Variants in SLC4A8 observed in about 807,000 individuals in gnomAD.
The protein encoded by SLC4A8 is solute carrier family 4 member 8, also known as electroneutral sodium bicarbonate exchanger 1.
Under a neutral mutation model 125.0 loss-of-function variants are expected in SLC4A8, and 40 were observed. The observed-to-expected ratio is 0.32, with a 90% CI of 0.25 to 0.42. The LOEUF is 0.42. Among genes scored for constraint, SLC4A8 ranks in the 10% least tolerant of loss-of-function variants. SLC4A8 has a pLI of 1.00. For missense variants in SLC4A8, 863 were observed against 1,355.1 expected, an observed-to-expected ratio of 0.64 and a Z score of 5.70; for synonymous variants, 456 against 476.0, an observed-to-expected ratio of 0.96 and a Z score of 0.55.
chr12:51,508,039 C>T lies in SLC4A8; in HGVS notation c.*601C>T, dbSNP rs1198248764. On this transcript the variant is annotated 3_prime_UTR_variant, in exon 25 of 25. Coordinates refer to ENST00000453097, the MANE Select transcript of SLC4A8 (RefSeq NM_001039960.3). ...TCTGGGCATTGGCAGTGCCTGCCAC[C>T]ACAGCCAGGAAGATGCCTCTGACCT... The T allele has an allele frequency of 6.6e-6, 1 of 152,384 alleles. No homozygotes were observed. Among genetic ancestry groups the T allele is most frequent in the Non-Finnish European group, 1.5e-5 (1 of 68,160 alleles). 9.4% of individuals were successfully genotyped at this position (152,384 alleles called of 1,614,324 possible).
At chr12:51,470,339 A>G (rs984951681) in intron 12 of SLC4A8, 53 bp from the exon 13 acceptor site, 1 of 1,566,364 alleles carries the variant, frequency 6.4e-7, no homozygotes, top group Non-Finnish European at 8.7e-7. Context: ...CTAAGCCAAC[A>G]TTACTCTGTA....
chr12:51,411,045 G>GTTT (rs58816269), intron 1 of SLC4A8, among the ~76,000 whole-genome samples: 4 of 122,932 alleles, frequency 3.3e-5, no homozygotes, highest in African/African-American at 9.1e-5. Context: ...TGGCCAATCT[G>GTTT]TTTTTTTTTT....
At position 51,488,707 on chromosome 12, in the gene SLC4A8, G is replaced by A; in HGVS notation, c.2295G>A (p.Arg765=). Residue 765 remains arginine, a synonymous_variant, in exon 18 of 25, where the codon AGG becomes AGA. Coordinates refer to ENST00000453097, the MANE Select transcript of SLC4A8 (RefSeq NM_001039960.3). ...LQVPSVFKPT[R]DDRGWIINPI... ...TATATTTTCCCCCTTAGCCAACAAG[G>A]GATGATCGCGGATGGATTATTAATC... 6.2e-7 allele frequency: 1 copy of A among 1,613,078 alleles called. No individual in the cohort carries two copies. Among genetic ancestry groups the A allele is most frequent in the Non-Finnish European group, 8.5e-7 (1 of 1,179,476 alleles).
At chr12:51,487,896 A>G (rs1490692422) in intron 17 of SLC4A8, among the ~76,000 whole-genome samples, 5 of 152,232 alleles carry the variant, frequency 3.3e-5, no homozygotes, top group African/African-American at 9.6e-5. Context: ...GTAGACACAC[A>G]TTATGTGGCT....
intron 16 of SLC4A8, among the ~76,000 whole-genome samples, chr12:51,482,762 T>C (rs1358852234): frequency 1.3e-5 from 2 of 152,120 alleles, no homozygotes; most frequent in Non-Finnish European, 2.9e-5. Flanking sequence ...GTAGAAAAGG[T>C]AATTCAGTGA....
At chr12:51,485,017 A>C (rs1208253148) in intron 16 of SLC4A8, among the ~76,000 whole-genome samples, 2 of 152,070 alleles carry the variant, frequency 1.3e-5, no homozygotes, top group Non-Finnish European at 2.9e-5. Context: ...GGTGGGAGTG[A>C]GCTTGGCATG....
At chr12:51,400,767 TATATATATATACATACATAC>T (rs1254474445) in intron 1 of SLC4A8, among the ~76,000 whole-genome samples, 558 of 8,206 alleles carry the variant, frequency 0.068, 49 homozygotes, top group Admixed American at 0.098. Flanking sequence ...TATATATATA[TATATATATATACATACATAC>T]ACACACACAC....
chr12:51,481,506 C>G (rs534966409), intron 16 of SLC4A8, among the ~76,000 whole-genome samples: 1 of 152,198 alleles, frequency 6.6e-6, no homozygotes, highest in African/African-American at 2.4e-5. Flanking sequence ...TCTTTTTCAC[C>G]TTGTAGGTAT....
At chr12:51,417,043 T>C (rs1022816876) in intron 1 of SLC4A8, among the ~76,000 whole-genome samples, 3 of 151,908 alleles carry the variant, frequency 2.0e-5, no homozygotes, top group Non-Finnish European at 4.4e-5. Flanking sequence ...ATCACTTGCA[T>C]CCAGGAGTTT....
In SLC4A8 at chr12:51,400,759, TATATATATATATATATATAC is replaced by T. The variant is rs1308310612; in HGVS notation, c.-112+9275_-112+9294del. 6.2e-4 allele frequency among the ~76,000 whole-genome samples: 4 copies of T among 6,486 alleles called. 1 individual carries two copies. The highest frequency in any genetic ancestry group is 9.4e-4 in the Non-Finnish European group (3 of 3,202). The allele number at this position is 6,486 out of a possible 152,430, so 4.3% of individuals were successfully genotyped here. A position where few individuals can be genotyped will look rare whatever the true frequency, so the allele number is the denominator to read the frequency against. ...ATATATATATATATATATATATATA[TATATATATATATATATATAC>T]ATACATACACACACACACACACATA... On this transcript the variant is annotated intron_variant, in intron 1 of 24. Transcript: ENST00000358657.
At chr12:51,403,550 C>T (rs943796379) in intron 1 of SLC4A8, among the ~76,000 whole-genome samples, 12 of 152,306 alleles carry the variant, frequency 7.9e-5, no homozygotes, top group African/African-American at 2.9e-4. Context: ...TGCTGCTTCC[C>T]ATGGCCTCTT....
chr12:51,458,410 A>T (rs1950222225), intron 6 of SLC4A8, 149 bp from the exon 7 acceptor site: 1 of 618,860 alleles, frequency 1.6e-6, no homozygotes. Flanking sequence ...AAGGAGAAAG[A>T]TGTGTGTGGG....
chr12:51,463,847 G>C (rs1443176885), intron 11 of SLC4A8, 133 bp downstream of exon 11: 1 of 607,218 alleles, frequency 1.6e-6, no homozygotes, highest in African/African-American at 1.8e-5. Context: ...TTTTCAAATG[G>C]AACCACTGAC....
chr12:51,452,643 GCAGGTGAACCA>G (rs1408212155), intron 4 of SLC4A8, among the ~76,000 whole-genome samples: 1 of 152,212 alleles, frequency 6.6e-6, no homozygotes, highest in African/African-American at 2.4e-5. Context: ...GACTTCTTCT[GCAGGTGAACCA>G]CAGGGTTCAA....
chr12:51,491,737 G>GCACACACACACA (rs371323026), intron 19 of SLC4A8, among the ~76,000 whole-genome samples: 11 of 126,918 alleles, frequency 8.7e-5, no homozygotes, highest in African/African-American at 1.7e-4. Flanking sequence ...CTGGGGATGG[G>GCACACACACACA]CAGACACACA....
intron 15 of SLC4A8, chr12:51,474,706 A>G: frequency 1.7e-6 from 1 of 591,148 alleles, no homozygotes; most frequent in East Asian, 2.8e-5. Flanking sequence ...GGATGAAACC[A>G]TGCAGGACAG....
chr12:51,427,167 T>C (rs1202324291), intron 1 of SLC4A8, among the ~76,000 whole-genome samples: 1 of 152,068 alleles, frequency 6.6e-6, no homozygotes, highest in African/African-American at 2.4e-5. Context: ...CTTGATCTCC[T>C]GACCTCGTGA....
At chr12:51,479,882 T>C (rs1054468188) in intron 16 of SLC4A8, 8 of 305,416 alleles carry the variant, frequency 2.6e-5, no homozygotes, top group African/African-American at 1.4e-4. Context: ...CCTAAACATA[T>C]TGTAAGAAAG....
At chr12:51,440,465 A>T (rs1431519922) in intron 1 of SLC4A8, among the ~76,000 whole-genome samples, 1 of 149,978 alleles carries the variant, frequency 6.7e-6, no homozygotes, top group African/African-American at 2.5e-5. Flanking sequence ...CTTTTATGAC[A>T]TTTGTGACCC....
Sources: allele counts gnomAD v4.1 joint callset (sites outside exome capture counted in the v4.1 genomes callset), GRCh38; gene constraint gnomAD v4.1.1; transcripts MANE v1.5; gene names NCBI Gene and HGNC (gene_info 2026-07-23, HGNC 2026-07-21).